The following HIVEP1 variants were observed in gnomAD, a reference collection of about 807,000 sequenced individuals.
HIVEP1 encodes zinc finger protein 40.
Under a neutral mutation model 180.0 loss-of-function variants are expected in HIVEP1, and 36 were observed. That is an observed-to-expected ratio of 0.20 (90% CI 0.15 to 0.26). The LOEUF (loss-of-function observed/expected upper bound fraction) is 0.26, where lower values mean the gene tolerates loss of function less well. HIVEP1 is among the 10% of genes least tolerant of loss of function. HIVEP1 has a pLI of 1.00. For synonymous variants in HIVEP1, 1,239 were observed against 1,239.0 expected, an observed-to-expected ratio of 1.00 and a Z score of 0.00; for missense variants, 3,143 against 3,268.7, an observed-to-expected ratio of 0.96 and a Z score of 0.94.
intron 1 of HIVEP1, among the ~76,000 whole-genome samples, chr6:12,015,207 A>G (rs1290378787): frequency 3.9e-5 from 6 of 152,214 alleles, no homozygotes; most frequent in African/African-American, 9.6e-5. Context: ...CAGATTTACT[A>G]TACATGCCTA....
At chr6:12,090,803 T>C (rs919395403) in intron 3 of HIVEP1, among the ~76,000 whole-genome samples, 1 of 139,472 alleles carries the variant, frequency 7.2e-6, no homozygotes, top group Admixed American at 8.0e-5. Flanking sequence ...GCAAAGCAAA[T>C]GTGAGCCTGT....
chr6:12,162,868 G>A (rs2113692504), intron 8 of HIVEP1, among the ~76,000 whole-genome samples: 1 of 152,264 alleles, frequency 6.6e-6, no homozygotes, highest in South Asian at 2.1e-4. Context: ...TAGCCAACTT[G>A]AATCTCAATT....
chr6:12,103,387 G>A (rs1020561033), intron 3 of HIVEP1, among the ~76,000 whole-genome samples: 3 of 152,028 alleles, frequency 2.0e-5, no homozygotes, highest in Non-Finnish European at 4.4e-5. Flanking sequence ...TAGCTGAAGC[G>A]GCAGAGCCAG....
chr6:12,037,973 C>T (rs1036427133), intron 2 of HIVEP1: 4 of 385,790 alleles, frequency 1.0e-5, no homozygotes, highest in Non-Finnish European at 1.4e-5. Context: ...TGTTGGCCCC[C>T]CAAAGCACTG....
rs770013430 is a variant in HIVEP1 at position 12,125,251 on chromosome 6, C to T, written c.5456C>T (p.Ser1819Phe). The change falls in exon 4 of 9, where the codon TCT (serine) becomes TTT (phenylalanine). Residue 1819 changes from serine to phenylalanine, a missense_variant. Around this residue, in one of 12 missense-constraint regions of HIVEP1, gnomAD observed 1,357 missense variants for 1,260.5 expected, o/e 1.08. Coordinates refer to ENST00000379388, the MANE Select transcript of HIVEP1 (RefSeq NM_002114.4). ...GTGATGTTGGAAAAGGATGTTTTTT[C>T]TCAACCTGAAATTAGTAATGAGGCT... Reference protein sequence around the residue: ...DGVMLEKDVFSQPEISNEAVN... With the variant: ...DGVMLEKDVFFQPEISNEAVN... The T allele has an allele frequency of 6.2e-7, 1 of 1,614,036 alleles. No individual in the cohort carries two copies.
At chr6:12,079,683 A>G (rs1483801644) in intron 2 of HIVEP1, among the ~76,000 whole-genome samples, 50 of 152,226 alleles carry the variant, frequency 3.3e-4, no homozygotes, top group Admixed American at 3.3e-3. Context: ...TCACCTGGGA[A>G]ACTTTTTAAA....
the HIVEP1 span, among the ~76,000 whole-genome samples, chr6:12,203,419 T>A: frequency 6.6e-6 from 1 of 152,210 alleles, no homozygotes; most frequent in Non-Finnish European, 1.5e-5. Flanking sequence ...TAGTCAGACA[T>A]TATAACCTGA....
At chr6:12,015,445 G>T in intron 1 of HIVEP1, 81 bp from the exon 2 acceptor site, 1 of 535,178 alleles carries the variant, frequency 1.9e-6, no homozygotes, top group Non-Finnish European at 3.3e-6. Context: ...TTAGGTTAGT[G>T]CTCTGCTAGG....
intron 3 of HIVEP1, among the ~76,000 whole-genome samples, chr6:12,106,859 A>G (rs1774461518): frequency 6.6e-6 from 1 of 152,088 alleles, no homozygotes; most frequent in African/African-American, 2.4e-5. Context: ...GATATTCTTT[A>G]TCGTATTTTC....
chr6:12,189,532 T>C, the HIVEP1 span, among the ~76,000 whole-genome samples: 1 of 152,140 alleles, frequency 6.6e-6, no homozygotes, highest in East Asian at 1.9e-4. Flanking sequence ...TGAAAAATGT[T>C]CTACCTCATT....
intron 3 of HIVEP1, among the ~76,000 whole-genome samples, chr6:12,109,321 A>G (rs772887914): frequency 7.9e-5 from 12 of 152,148 alleles, no homozygotes; most frequent in Non-Finnish European, 1.6e-4. Context: ...GAAGTTTGCC[A>G]CCTTGACTTT....
In HIVEP1 at chr6:12,120,780, G is replaced by A. The variant is rs1265423393; in HGVS notation, c.985G>A (p.Ala329Thr). The change falls in exon 4 of 9, where the codon GCA becomes ACA. Residue 329 changes from alanine (A) to threonine (T), a missense_variant. By Grantham distance (58) the Ala-to-Thr change is moderately conservative. Coordinates refer to ENST00000379388, the MANE Select transcript of HIVEP1 (RefSeq NM_002114.4). ...CAAACTTGAACAGGTTTATAATATA[G>A]CAGTGACATCATCTGTAGGCCTAAC... ...NAKLEQVYNI[A>T]VTSSVGLTSP... 6.2e-7 allele frequency: 1 copy of A among 1,614,040 alleles called. No homozygotes were observed. Among genetic ancestry groups the A allele is most frequent in the East Asian group, 2.2e-5 (1 of 44,904 alleles).
chr6:12,099,408 C>T lies in HIVEP1; in HGVS notation c.94+10171C>T, dbSNP rs538730739. On this transcript the variant is annotated intron_variant, in intron 3 of 8. Coordinates refer to ENST00000379388, the MANE Select transcript of HIVEP1 (RefSeq NM_002114.4). The stretch of plus-strand genomic sequence containing the variant: ...GTCTCGATCTCCTGACCTCGTGATC[C>T]GCCCGCCTCGGCCTCCCAAAGTGCT... 1.1e-4 allele frequency among the ~76,000 whole-genome samples: 17 copies of T among 152,070 alleles called. No individual in the cohort carries two copies. The East Asian group carries it at 2.5e-3, about 23-fold the overall frequency.
At chr6:12,048,112 G>A (rs753304703) in intron 2 of HIVEP1, among the ~76,000 whole-genome samples, 11 of 152,184 alleles carry the variant, frequency 7.2e-5, no homozygotes, top group Non-Finnish European at 1.3e-4. Context: ...CTTCTTACAA[G>A]ATTTCTGTTA....
At chr6:12,169,214 A>C (rs1760836467), downstream of HIVEP1, among the ~76,000 whole-genome samples, 1 of 152,178 alleles carries the variant, frequency 6.6e-6, no homozygotes, top group South Asian at 2.1e-4. Context: ...GGATATTTTC[A>C]ATTTACAATA....
chr6:12,059,474 C>G (rs1771092454), intron 2 of HIVEP1, among the ~76,000 whole-genome samples: 1 of 152,190 alleles, frequency 6.6e-6, no homozygotes, highest in Admixed American at 6.5e-5. Flanking sequence ...ATTGTGTTAT[C>G]TAGAACACTA....
chr6:12,017,891 C>T (rs1384755875), intron 2 of HIVEP1, among the ~76,000 whole-genome samples: 2 of 152,228 alleles, frequency 1.3e-5, no homozygotes, highest in Non-Finnish European at 2.9e-5. Context: ...GCACTGGGGC[C>T]ACAGGTGGAG....
rs778732011 is a variant in HIVEP1, at chr6:12,124,168, G to T, written c.4373G>T (p.Ser1458Ile). The change falls in exon 4 of 9, where the codon AGT becomes ATT. Residue 1458 changes from serine to isoleucine, a missense_variant. By Grantham distance (142) the Ser-to-Ile change is moderately radical. Transcript: ENST00000379388. The part of the protein sequence containing the change: ...PTSFQNTALP[S>I]VNAVPYQGPQ... Reference sequence around the variant, plus strand: ...TCTTTCCAAAATACTGCTCTTCCCAGTGTGAATGCAGTGCCATATCAGGGG... The same window carrying T: ...TCTTTCCAAAATACTGCTCTTCCCATTGTGAATGCAGTGCCATATCAGGGG... 1 of 1,613,980 alleles carries T rather than the reference G, an allele frequency of 6.2e-7. No individual in the cohort carries two copies. The highest frequency in any genetic ancestry group is 1.1e-5 in the South Asian group (1 of 91,068).
At chr6:12,069,761 A>T (rs574694934) in intron 2 of HIVEP1, among the ~76,000 whole-genome samples, 51 of 152,092 alleles carry the variant, frequency 3.4e-4, no homozygotes, top group Non-Finnish European at 6.9e-4. Context: ...AAATTGTGTT[A>T]GTAATAAATT....
Sources: allele counts gnomAD v4.1 joint callset (sites outside exome capture counted in the v4.1 genomes callset), GRCh38; gene constraint gnomAD v4.1.1; regional missense constraint gnomAD v4.1.1; transcripts MANE v1.5; gene names NCBI Gene and HGNC (gene_info 2026-07-23, HGNC 2026-07-21).